The following MUC5B variants were observed in gnomAD, a reference collection of about 807,000 sequenced individuals.
MUC5B encodes mucin-5B.
In MUC5B, 116 loss-of-function variants were observed where a neutral mutation model predicts 376.9. The observed-to-expected ratio is 0.31, with a 90% CI of 0.26 to 0.36. The LOEUF is 0.36. MUC5B is among the 10% of genes least tolerant of loss of function. The pLI is 1.00. For missense variants in MUC5B, 7,165 were observed against 7,769.9 expected (o/e 0.92, Z 2.93); for synonymous variants, 3,517 against 3,390.9 (o/e 1.04, Z -1.29).
Position 1,248,384 on chromosome 11 carries a change from C to T in MUC5B, c.11504C>T (p.Thr3835Ile), listed in dbSNP as rs752520757. Reference protein sequence around the residue: ...SSTPETAHTSTVLTTTATTTR... With the variant: ...SSTPETAHTSIVLTTTATTTR... ...ACTCCAGAGACTGCCCACACCTCCA[C>T]AGTGCTTACCACCACGGCCACCACA... The change falls in exon 31 of 49, where the codon ACA (threonine) becomes ATA (isoleucine). Residue 3835 changes from threonine to isoleucine, a missense_variant. Coordinates refer to ENST00000529681, the MANE Select transcript of MUC5B (RefSeq NM_002458.3). 3.7e-6 allele frequency: 6 copies of T among 1,612,950 alleles called. No homozygotes were observed. The highest frequency in any genetic ancestry group is 5.1e-6 in the Non-Finnish European group (6 of 1,179,508).
At position 1,231,518 on chromosome 11, in the gene MUC5B, G is replaced by T; in HGVS notation, c.1636G>T (p.Val546Leu). ...LLVQLVPLMQ[V>L]FVRLDPAHQG... ...GGTGCAGCTGGTGCCACTCATGCAG[G>T]TGTTTGTCAGGCTGGACCCCGCCCA... The change falls in exon 14 of 49, where the codon GTG becomes TTG. Residue 546 changes from valine (V) to leucine (L), a missense_variant. Transcript: ENST00000529681. The T allele has an allele frequency of 6.2e-7, 1 of 1,600,466 alleles. No individual in the cohort carries two copies.
At position 1,246,723 on chromosome 11, in the gene MUC5B, C is replaced by G. The variant is rs778462436; in HGVS notation, c.9843C>G (p.Thr3281=). ...PETVHTSTVL[T]TTTTTTRATG... ...CTGTCCACACCTCCACAGTGCTTAC[C>G]ACCACGACCACCACAACCAGGGCCA... Residue 3281 remains threonine (T), a synonymous_variant, in exon 31 of 49, where the codon ACC becomes ACG. Coordinates refer to ENST00000529681, the MANE Select transcript of MUC5B (RefSeq NM_002458.3). The G allele has an allele frequency of 6.2e-7, 1 of 1,609,362 alleles. No homozygotes were observed. The highest frequency in any genetic ancestry group is 8.5e-7 in the Non-Finnish European group (1 of 1,177,000).
Position 1,258,262 on chromosome 11 carries a change from G to T in MUC5B, c.16555+59G>T. 1 of 1,585,492 alleles carries T rather than the reference G, an allele frequency of 6.3e-7. No individual in the cohort carries two copies. Among genetic ancestry groups the T allele is most frequent in the Non-Finnish European group, 8.6e-7 (1 of 1,165,768 alleles). ...CTCTTGCTGGGGGTGGGGGAGTGCA[G>T]GATGGTGGGGGCGCTGGAGCACATG... On this transcript the variant is annotated intron_variant, in intron 42 of 48. Transcript: ENST00000529681. The surrounding 1 kb of genome is among the most constrained non-coding windows in gnomAD (Gnocchi z 5.5).
rs758596325 is a variant in MUC5B at position 1,258,094 on chromosome 11, C to T, written c.16451-5C>T. The T allele has an allele frequency of 8.3e-6, 13 of 1,574,138 alleles. No individual in the cohort carries two copies. The highest frequency in any genetic ancestry group is 2.3e-5 in the East Asian group (1 of 42,894). ...GCCCAGACAGTGGCCTCCATCCTCCCGCAGTGTGCAACACAACCACCTGCC... is the reference window on the plus strand; with the variant it reads ...GCCCAGACAGTGGCCTCCATCCTCCTGCAGTGTGCAACACAACCACCTGCC... On this transcript the variant is annotated splice_polypyrimidine_tract_variant and splice_region_variant and intron_variant, in intron 41 of 48. Coordinates refer to ENST00000529681, the MANE Select transcript of MUC5B (RefSeq NM_002458.3). The surrounding 1 kb of genome is among the most constrained non-coding windows in gnomAD (Gnocchi z 5.5).
chr11:1,227,221 C>CTGGGCT, intron 5 of MUC5B, 76 bp downstream of exon 5: 1 of 1,576,300 alleles, frequency 6.3e-7, no homozygotes, highest in Non-Finnish European at 8.7e-7. Flanking sequence ...GGATGCCTCC[C>CTGGGCT]TGGGCTTGGG....
At position 1,234,078 on chromosome 11, in the gene MUC5B, G is replaced by A. The variant is rs55661412; in HGVS notation, c.2378-127G>A. On this transcript the variant is annotated intron_variant, in intron 19 of 48. Transcript: ENST00000529681. This position sits in a 1 kb window ranked among gnomAD's most constrained non-coding sequence, Gnocchi z 6.3. ...GGTGTCCTGGGGTTGGGGGCTGCAGGTGTCATGGAAGCTTTGGCTCGGGGG... is the reference window on the plus strand; with the variant it reads ...GGTGTCCTGGGGTTGGGGGCTGCAGATGTCATGGAAGCTTTGGCTCGGGGG... 27 of 853,730 alleles carry A rather than the reference G, an allele frequency of 3.2e-5. No individual in the cohort carries two copies. In the East Asian group the frequency reaches 6.7e-4, roughly 21 times the overall value. 52.9% of individuals were successfully genotyped at this position (853,730 alleles called of 1,614,324 possible). A position where few individuals can be genotyped will look rare whatever the true frequency, so the allele number is the denominator to read the frequency against.
chr11:1,235,686 C>T (rs1862141182), intron 23 of MUC5B, among the ~76,000 whole-genome samples: 1 of 152,190 alleles, frequency 6.6e-6, no homozygotes, highest in South Asian at 2.1e-4. Context: ...TCACAGGCGG[C>T]AGGCGTCCCT....
chr11:1,250,323 G>A lies in MUC5B; in HGVS notation c.13443G>A (p.Val4481=). 2 of 1,612,910 alleles carry A rather than the reference G, an allele frequency of 1.2e-6. No homozygotes were observed. Among genetic ancestry groups the A allele is most frequent in the Non-Finnish European group, 1.7e-6 (2 of 1,179,540 alleles). Residue 4481 remains valine, a synonymous_variant, in exon 31 of 49, where the codon GTG becomes GTA. Transcript: ENST00000529681. ...AGGCAACTGCTGGCACCCCACATGTGAGCACCACGGCCACGACACCCACAG... is the reference window on the plus strand; with the variant it reads ...AGGCAACTGCTGGCACCCCACATGTAAGCACCACGGCCACGACACCCACAG... ...STQATAGTPH[V]STTATTPTVT... is the part of the protein sequence containing the mutation.
rs781080684 is a variant in MUC5B at position 1,247,538 on chromosome 11, T to G, written c.10658T>G (p.Leu3553Arg). 5 of 1,610,776 alleles carry G rather than the reference T, an allele frequency of 3.1e-6. No individual in the cohort carries two copies. In the South Asian group the frequency reaches 5.5e-5, roughly 18 times the overall value. The change falls in exon 31 of 49, where the codon CTG becomes CGG. Residue 3553 changes from leucine (L) to arginine (R), a missense_variant. Leu to Arg is a moderately radical substitution (Grantham distance 102). Coordinates refer to ENST00000529681, the MANE Select transcript of MUC5B (RefSeq NM_002458.3). ...ATPSKTRTST[L>R]LPSSPTSAPI... ...CCCAGCAAGACCCGCACCTCGACCC[T>G]GCTGCCCAGCAGCCCCACATCGGCC...
In MUC5B at chr11:1,242,168, C is replaced by T. The variant is rs777621757; in HGVS notation, c.5288C>T (p.Pro1763Leu). Reference protein sequence around the residue: ...LSTSQAETSTPRTETTMSPLT... With the variant: ...LSTSQAETSTLRTETTMSPLT... ...ACCTCTCAGGCCGAGACCAGCACGC[C>T]CAGGACAGAGACGACAATGAGCCCC... Residue 1763 changes from proline to leucine, a missense_variant, in exon 31 of 49, where the codon CCC becomes CTC. This residue lies in a region of MUC5B where 897 missense variants were observed against 779.6 expected (regional missense o/e 1.15). Coordinates refer to ENST00000529681, the MANE Select transcript of MUC5B (RefSeq NM_002458.3). 1 of 1,613,522 alleles carries T rather than the reference C, an allele frequency of 6.2e-7. No individual in the cohort carries two copies. Among genetic ancestry groups the T allele is most frequent in the Non-Finnish European group, 8.5e-7 (1 of 1,179,890 alleles).
At chr11:1,237,835 C>G (rs1176301066) in intron 25 of MUC5B, among the ~76,000 whole-genome samples, 1 of 152,220 alleles carries the variant, frequency 6.6e-6, no homozygotes, top group Admixed American at 6.5e-5. Context: ...TGCCACTGCA[C>G]TCCAGCCTAA....
rs1193621565 is a variant in MUC5B at position 1,258,862 on chromosome 11, G to C, written c.16594-80G>C. On this transcript the variant is annotated intron_variant, in intron 43 of 48. Coordinates refer to ENST00000529681, the MANE Select transcript of MUC5B (RefSeq NM_002458.3). The surrounding 1 kb of genome is among the most constrained non-coding windows in gnomAD (Gnocchi z 5.5). The stretch of plus-strand genomic sequence containing the variant: ...TCTGAGGAAGGAACAACTCCCTGCA[G>C]GCCCCATTGGGTCATGGGGAGGGGT... 6.6e-7 allele frequency: 1 copy of C among 1,513,374 alleles called. No individual in the cohort carries two copies. The highest frequency in any genetic ancestry group is 2.0e-5 in the Admixed American group (1 of 50,242). The allele number at this position is 1,513,374 out of a possible 1,614,324, so 93.7% of individuals were successfully genotyped here.
chr11:1,239,249 A>G, intron 26 of MUC5B, 189 bp from the exon 27 acceptor site: 1 of 907,862 alleles, frequency 1.1e-6, no homozygotes, highest in South Asian at 1.7e-5. Context: ...AGGGGACAAG[A>G]GTTCCAAGGG....
At position 1,233,026 on chromosome 11, in the gene MUC5B, G is replaced by C. The variant is rs1862064661; in HGVS notation, c.2079G>C (p.Gln693His). 1 of 1,594,914 alleles carries C rather than the reference G, an allele frequency of 6.3e-7. No individual in the cohort carries two copies. The highest frequency in any genetic ancestry group is 8.5e-7 in the Non-Finnish European group (1 of 1,175,398). The part of the protein sequence containing the change: ...WRDGVCTKYM[Q>H]NCPKSQRYAY... ...CACCGACCACAGCCAAGTACATGCA[G>C]AACTGCCCCAAGTCCCAGCGCTACG... The change falls in exon 18 of 49, where the codon CAG becomes CAC. Residue 693 changes from glutamine (Q) to histidine (H), a missense_variant. By Grantham distance (24) the Gln-to-His change is conservative. Coordinates refer to ENST00000529681, the MANE Select transcript of MUC5B (RefSeq NM_002458.3).
intron 7 of MUC5B, 134 bp downstream of exon 7, chr11:1,227,915 CTG>C: frequency 1.6e-6 from 1 of 610,096 alleles, no homozygotes; most frequent in South Asian, 1.9e-5. Context: ...CAGCCACCCT[CTG>C]TGTGCTCAGT....
rs1429381463 is a variant in MUC5B, at chr11:1,250,280, C to A, written c.13400C>A (p.Ala4467Asp). The change falls in exon 31 of 49, where the codon GCC becomes GAC. Residue 4467 changes from alanine (A) to aspartate (D), a missense_variant. By Grantham distance (126) the Ala-to-Asp change is moderately radical. Around this residue, in one of 31 missense-constraint regions of MUC5B, gnomAD observed 431 missense variants for 390.4 expected, o/e 1.10. Transcript: ENST00000529681. Reference protein sequence around the residue: ...ATVTVPTGSTATASSTQATAG... With the variant: ...ATVTVPTGSTDTASSTQATAG... ...GTGACGGTGCCCACCGGATCCACGG[C>A]CACCGCCTCCTCCACCCAGGCAACT... The A allele has an allele frequency of 6.2e-7, 1 of 1,612,992 alleles. No homozygotes were observed. The highest frequency in any genetic ancestry group is 8.5e-7 in the Non-Finnish European group (1 of 1,179,616).
intron 31 of MUC5B, 29 bp downstream of exon 31, chr11:1,251,772 C>G (rs1468052000): frequency 1.4e-6 from 2 of 1,467,194 alleles, no homozygotes; most frequent in Non-Finnish European, 1.9e-6. Context: ...CACTGCTGTA[C>G]CCTTTCCCCA....
Position 1,226,739 on chromosome 11 carries a change from C to T in MUC5B, c.324C>T (p.Arg108=), listed in dbSNP as rs56168747. Residue 108 remains arginine, a synonymous_variant, in exon 4 of 49, where the codon CGC becomes CGT. Transcript: ENST00000529681. ...LCNYVFSEHC[R]AAYEDFNVQL... is the part of the protein sequence containing the mutation. The stretch of plus-strand genomic sequence containing the variant: ...ACTACGTGTTCTCTGAGCACTGCCG[C>T]GCCGCCTACGAGGACTTCAACGTCC... The T allele has an allele frequency of 6.7e-3, 10,858 of 1,612,742 alleles. 39 individuals are homozygous for T. Among genetic ancestry groups the T allele is most frequent in the Non-Finnish European group, 7.6e-3 (9,007 of 1,179,826 alleles).
In MUC5B at chr11:1,233,101, C is replaced by T. The variant is rs774019400; in HGVS notation, c.2154C>T (p.Ala718=). 29 of 1,607,724 alleles carry T rather than the reference C, an allele frequency of 1.8e-5. No homozygotes were observed. The highest frequency in any genetic ancestry group is 3.3e-5 in the South Asian group (3 of 90,950). The change falls in exon 18 of 49, where the codon GCC becomes GCT. Residue 718 remains alanine, a synonymous_variant. Transcript: ENST00000529681. The part of the protein sequence containing the change: ...CQPTCRGLSE[A]DVTCSVSFVP... ...CCACTTGCCGCGGCCTGAGTGAGGCCGACGTCACCTGCAGCGTTTCCTTCG... is the reference window on the plus strand; with the variant it reads ...CCACTTGCCGCGGCCTGAGTGAGGCTGACGTCACCTGCAGCGTTTCCTTCG...
Sources: allele counts gnomAD v4.1 joint callset (sites outside exome capture counted in the v4.1 genomes callset), GRCh38; gene constraint gnomAD v4.1.1; regional missense constraint gnomAD v4.1.1; non-coding constraint Gnocchi (gnomAD v3.1); transcripts MANE v1.5; gene names NCBI Gene and HGNC (gene_info 2026-07-23, HGNC 2026-07-21).